Variants in RFC5 observed in about 807,000 individuals in gnomAD.
RFC5 encodes replication factor C subunit 5.
In RFC5, 26 loss-of-function variants were observed where a neutral mutation model predicts 44.3. That is an observed-to-expected ratio of 0.59 (90% CI 0.43 to 0.81). RFC5 has a LOEUF of 0.81. RFC5 is among the 40% of genes least tolerant of loss of function. RFC5 has a pLI of 0.00. For synonymous variants in RFC5, 155 were observed against 155.2 expected (o/e 1.00, Z 0.01); for missense variants, 328 against 418.6 (o/e 0.78, Z 1.89).
In RFC5 at chr12:118,023,396, A is replaced by G. The variant is rs1410141040; in HGVS notation, c.421+1037A>G. Among the ~76,000 whole-genome samples the G allele has an allele frequency of 8.5e-5, 4 of 46,866 alleles. No homozygotes were observed. In the South Asian group the frequency reaches 4.0e-3, roughly 47 times the overall value. 30.7% of individuals were successfully genotyped at this position (46,866 alleles called of 152,430 possible). A position where few individuals can be genotyped will look rare whatever the true frequency, so the allele number is the denominator to read the frequency against. On this transcript the variant is annotated intron_variant, in intron 5 of 10. Coordinates refer to ENST00000454402, the MANE Select transcript of RFC5 (RefSeq NM_007370.7). Reference sequence around the variant, plus strand: ...CACATGTTAAGAGAAGGATGGGGGAAGGGGGAGGAGGAGGAGGGGGGAGGA... The same window carrying G: ...CACATGTTAAGAGAAGGATGGGGGAGGGGGGAGGAGGAGGAGGGGGGAGGA...
chr12:118,035,321 G>A (rs1037770541), downstream of RFC5: 4 of 1,613,926 alleles, frequency 2.5e-6, no homozygotes, highest in Admixed American at 1.7e-5. Context: ...CAACCTGGGT[G>A]TGGCTGGGAA....
intron 3 of RFC5, among the ~76,000 whole-genome samples, chr12:118,020,406 T>C (rs556004140): frequency 6.6e-6 from 1 of 152,228 alleles, no homozygotes; most frequent in Non-Finnish European, 1.5e-5. Context: ...CTTGTTTAAT[T>C]CTCTTCAAAT....
At position 118,016,742 on chromosome 12, in the gene RFC5, T is replaced by C. The variant is rs375215634; in HGVS notation, c.-86T>C. On this transcript the variant is annotated 5_prime_UTR_variant, in exon 1 of 11. Coordinates refer to ENST00000454402, the MANE Select transcript of RFC5 (RefSeq NM_007370.7). Reference sequence around the variant, plus strand: ...CGCGCGAACTGTAAGTGCCAGGGTCTCAGGGTCAGGTCGCGGCTGGTCACT... The same window carrying C: ...CGCGCGAACTGTAAGTGCCAGGGTCCCAGGGTCAGGTCGCGGCTGGTCACT... 27 of 1,128,750 alleles carry C rather than the reference T, an allele frequency of 2.4e-5. No individual in the cohort carries two copies. Among genetic ancestry groups the C allele is most frequent in the Non-Finnish European group, 3.3e-5 (25 of 763,588 alleles). The allele number at this position is 1,128,750 out of a possible 1,614,324, so 69.9% of individuals were successfully genotyped here. A position where few individuals can be genotyped will look rare whatever the true frequency, so the allele number is the denominator to read the frequency against.
At position 118,027,882 on chromosome 12, in the gene RFC5, G is replaced by C. The variant is rs890566418; in HGVS notation, c.794-71G>C. On this transcript the variant is annotated intron_variant, in intron 8 of 10. Transcript: ENST00000454402. ...TTACTTTAAAAAGTCTCTTGCCCGG[G>C]TTTGGATTCAAAATTCTCTGCAGTA... 8 of 928,972 alleles carry C rather than the reference G, an allele frequency of 8.6e-6. No individual in the cohort carries two copies. In the African/African-American group the frequency reaches 1.1e-4, roughly 13 times the overall value. The allele number at this position is 928,972 out of a possible 1,614,324, so 57.5% of individuals were successfully genotyped here.
chr12:118,035,368 G>C (rs755881831), downstream of RFC5: 2 of 1,552,902 alleles, frequency 1.3e-6, no homozygotes, highest in African/African-American at 2.7e-5. Flanking sequence ...AGTGATGGCT[G>C]CTCTCCACCC....
intron 5 of RFC5, among the ~76,000 whole-genome samples, chr12:118,022,684 C>T (rs559200435): frequency 1.8e-4 from 27 of 152,098 alleles, no homozygotes; most frequent in African/African-American, 6.0e-4. Flanking sequence ...AGGCTGGTCT[C>T]GACCTCCTGA....
chr12:118,026,757 C>T (rs1226608372), intron 7 of RFC5, 132 bp from the exon 8 acceptor site: 2 of 908,818 alleles, frequency 2.2e-6, no homozygotes, highest in East Asian at 5.0e-5. Flanking sequence ...TGTGGGTTCC[C>T]ACTGCCTTGT....
intron 1 of RFC5, chr12:118,018,184 T>C (rs2030234449): frequency 3.5e-6 from 2 of 567,590 alleles, no homozygotes; most frequent in Non-Finnish European, 6.4e-6. Flanking sequence ...TCATATTCCA[T>C]TGTATGGACA....
At chr12:118,035,242 A>C (rs1186046094), downstream of RFC5, 4 of 1,614,220 alleles carry the variant, frequency 2.5e-6, no homozygotes, top group East Asian at 8.9e-5. Flanking sequence ...GCAAGGTACA[A>C]GCCTTCTGGA....
chr12:118,020,635 A>AT (rs1197113077), intron 3 of RFC5, among the ~76,000 whole-genome samples: 1 of 152,220 alleles, frequency 6.6e-6, no homozygotes, highest in East Asian at 1.9e-4. Flanking sequence ...CTCATACCAG[A>AT]GGTGCTGTTC....
rs1314803439 is a variant in RFC5 at position 118,019,449 on chromosome 12, G to A, written c.131-183G>A. 6.6e-6 allele frequency among the ~76,000 whole-genome samples: 1 copy of A among 152,210 alleles called. No homozygotes were observed. Among genetic ancestry groups the A allele is most frequent in the African/African-American group, 2.4e-5 (1 of 41,454 alleles). On this transcript the variant is annotated intron_variant, in intron 2 of 10. Transcript: ENST00000454402. The surrounding 1 kb of genome is among the most constrained non-coding windows in gnomAD (Gnocchi z 4.2). ...CTCAATAAATACTTGTTGACTGGCT[G>A]CGCTATTGAGTGAATTCCAGTTGTT...
rs528077946 is a variant in RFC5, at chr12:118,021,067, C to G, written c.347+82C>G. ...GTTAATTTTTTAATCCTCTCCTTAG[C>G]CAGTTTATATGGGTTGAAAAAAAAA... On this transcript the variant is annotated intron_variant, in intron 4 of 10. Transcript: ENST00000454402. 1.9e-4 allele frequency: 158 copies of G among 839,426 alleles called. 1 individual carries two copies. In the South Asian group the frequency reaches 2.3e-3, roughly 12 times the overall value. 52.0% of individuals were successfully genotyped at this position (839,426 alleles called of 1,614,324 possible). A position where few individuals can be genotyped will look rare whatever the true frequency, so the allele number is the denominator to read the frequency against.
the RFC5 span, among the ~76,000 whole-genome samples, chr12:118,040,302 T>A: frequency 6.6e-6 from 1 of 151,996 alleles, no homozygotes; most frequent in African/African-American, 2.4e-5. Context: ...ATTCCCCTCC[T>A]CTCCTTGAAA....
the RFC5 span, among the ~76,000 whole-genome samples, chr12:118,041,069 A>G: frequency 6.6e-6 from 1 of 152,204 alleles, no homozygotes; most frequent in Non-Finnish European, 1.5e-5. Context: ...AAACAAACCA[A>G]AAAAACACCT....
chr12:118,027,389 G>A (rs1414254246), intron 8 of RFC5: 1 of 188,040 alleles, frequency 5.3e-6, no homozygotes, highest in Non-Finnish European at 1.1e-5. Flanking sequence ...AAATGCATTT[G>A]GGGCTGGGTG....
At position 118,016,894 on chromosome 12, in the gene RFC5, T is replaced by A; in HGVS notation, c.65+2T>A. 2 of 1,612,430 alleles carry A rather than the reference T, an allele frequency of 1.2e-6. No individual in the cohort carries two copies. The highest frequency in any genetic ancestry group is 1.7e-6 in the Non-Finnish European group (2 of 1,179,242). Reference sequence around the variant, plus strand: ...GACCAAGATCAGGAACCTGCCCTGGTAGGAGGAGGCCGAGCGGCGGCGGTG... The same window carrying A: ...GACCAAGATCAGGAACCTGCCCTGGAAGGAGGAGGCCGAGCGGCGGCGGTG... On this transcript the variant is annotated splice_donor_variant, in intron 1 of 10. Transcript: ENST00000454402. LOFTEE classifies it high-confidence loss of function.
intron 5 of RFC5, among the ~76,000 whole-genome samples, chr12:118,023,354 G>A (rs964985928): frequency 1.4e-5 from 2 of 145,708 alleles, no homozygotes; most frequent in East Asian, 2.1e-4. Flanking sequence ...AGTTTGTGGC[G>A]AGGGAGTAGA....
rs777473889 is a variant in RFC5 at position 118,022,237 on chromosome 12, T to C, written c.348-49T>C. The C allele has an allele frequency of 9.9e-6, 14 of 1,413,458 alleles. No individual in the cohort carries two copies. The Admixed American group carries it at 2.3e-4, about 24-fold the overall frequency. The allele number at this position is 1,413,458 out of a possible 1,614,324, so 87.6% of individuals were successfully genotyped here. ...GAAGATATAGGTTTGAGCCCAGATG[T>C]TGAGATGAGATTGAAGAAATCTTTA... On this transcript the variant is annotated intron_variant, in intron 4 of 10. Transcript: ENST00000454402.
At chr12:118,022,713 C>G (rs1252638047) in intron 5 of RFC5, among the ~76,000 whole-genome samples, 2 of 152,146 alleles carry the variant, frequency 1.3e-5, no homozygotes, top group Non-Finnish European at 2.9e-5. Flanking sequence ...GATCCGCCCG[C>G]CTCGGCTTCC....
Sources: gnomAD v4.1 joint callset for allele counts (sites outside exome capture counted in the v4.1 genomes callset) on GRCh38, gnomAD v4.1.1 for gene constraint, Gnocchi (gnomAD v3.1) non-coding constraint, MANE v1.5 for transcripts, NCBI Gene and HGNC (gene_info 2026-07-23, HGNC 2026-07-21) for gene names.